The following SLAIN1 variants were observed in gnomAD, a reference collection of about 807,000 sequenced individuals.
SLAIN1 encodes SLAIN motif-containing protein 1.
A neutral mutation model predicts 55.4 loss-of-function variants in SLAIN1; 17 were observed. The observed-to-expected ratio is 0.31, with a 90% CI of 0.21 to 0.46. SLAIN1 has a LOEUF of 0.46. SLAIN1 is among the 20% of genes least tolerant of loss of function. The pLI, the probability that SLAIN1 is intolerant of heterozygous loss-of-function variation, is 1.00. For synonymous variants in SLAIN1, 348 were observed against 337.4 expected, an observed-to-expected ratio of 1.03 and a Z score of -0.35; for missense variants, 682 against 785.1, an observed-to-expected ratio of 0.87 and a Z score of 1.57.
At chr13:77,761,244 T>A in intron 6 of SLAIN1, 134 bp downstream of exon 6, 3 of 852,386 alleles carry the variant, frequency 3.5e-6, no homozygotes, top group Non-Finnish European at 5.4e-6. Flanking sequence ...TGTGCTCTCC[T>A]CCCTTTGAAA....
chr13:77,754,566 C>A (rs1403654407), intron 5 of SLAIN1, among the ~76,000 whole-genome samples: 3 of 152,136 alleles, frequency 2.0e-5, no homozygotes, highest in African/African-American at 7.2e-5. Context: ...TTCTTCTCTG[C>A]CTAGCATTCT....
intron 1 of SLAIN1, among the ~76,000 whole-genome samples, chr13:77,709,367 C>T (rs9530686): frequency 0.061 from 9,349 of 152,178 alleles, 402 homozygotes; most frequent in East Asian, 0.18. Context: ...CCTTTCCCAA[C>T]CTAGCAAGAC....
chr13:77,710,775 C>T (rs190357145), intron 1 of SLAIN1, among the ~76,000 whole-genome samples: 30 of 152,350 alleles, frequency 2.0e-4, no homozygotes, highest in Admixed American at 1.7e-3. Flanking sequence ...CCCAAATCAA[C>T]AGAATATACA....
chr13:77,756,519 G>A (rs1049489152), intron 5 of SLAIN1, among the ~76,000 whole-genome samples: 1 of 151,900 alleles, frequency 6.6e-6, no homozygotes, highest in Non-Finnish European at 1.5e-5. Context: ...TAGTTTGCTG[G>A]TATTTTGAAT....
intron 2 of SLAIN1, among the ~76,000 whole-genome samples, chr13:77,725,891 G>A (rs909777105): frequency 3.3e-5 from 5 of 152,170 alleles, no homozygotes; most frequent in African/African-American, 1.2e-4. Flanking sequence ...CCATCTGGCT[G>A]CATTTCTCCC....
intron 5 of SLAIN1, among the ~76,000 whole-genome samples, chr13:77,757,426 A>G (rs563571043): frequency 3.2e-4 from 48 of 151,884 alleles, no homozygotes; most frequent in African/African-American, 1.1e-3. Context: ...ACATGTATCA[A>G]CATTTCTTTT....
In SLAIN1 at chr13:77,698,332, C is replaced by T. The variant is rs2090994920; in HGVS notation, c.419C>T (p.Ala140Val). ...GCGCCCTCCCTGCTTTGCAGCCTGG[C>T]GCAGCCACCCGAGGCGCCCTTCGTC... ...SPAPSLLCSL[A>V]QPPEAPFVYF... is the part of the protein sequence containing the mutation. The change falls in exon 1 of 7, where the codon GCG becomes GTG. Residue 140 changes from alanine (A) to valine (V), a missense_variant. Ala to Val is a moderately conservative substitution (Grantham distance 64). This residue lies in a region of SLAIN1 where 401 missense variants were observed against 417.3 expected (regional missense o/e 0.96). Coordinates refer to ENST00000418532, the MANE Select transcript of SLAIN1 (RefSeq NM_001242868.2). This position sits in a 1 kb window ranked among gnomAD's most constrained non-coding sequence, Gnocchi z 4.1. The T allele has an allele frequency of 3.5e-6, 5 of 1,448,396 alleles. No individual in the cohort carries two copies. The highest frequency in any genetic ancestry group is 3.1e-5 in the East Asian group (1 of 32,040). The allele number at this position is 1,448,396 out of a possible 1,614,324, so 89.7% of individuals were successfully genotyped here. A position where few individuals can be genotyped will look rare whatever the true frequency, so the allele number is the denominator to read the frequency against.
chr13:77,703,712 C>T (rs1226849107), intron 1 of SLAIN1, among the ~76,000 whole-genome samples: 4 of 151,694 alleles, frequency 2.6e-5, no homozygotes, highest in African/African-American at 7.3e-5. Context: ...TTGATCCTAG[C>T]AGGTGCCAGT....
At chr13:77,699,644 G>T (rs1234239774) in intron 1 of SLAIN1, among the ~76,000 whole-genome samples, 1 of 152,178 alleles carries the variant, frequency 6.6e-6, no homozygotes, top group East Asian at 1.9e-4. Flanking sequence ...ACTCTGTCAT[G>T]TGAGAGCTCT....
At chr13:77,709,696 G>A (rs2091127197) in intron 1 of SLAIN1, among the ~76,000 whole-genome samples, 1 of 152,150 alleles carries the variant, frequency 6.6e-6, no homozygotes, top group Non-Finnish European at 1.5e-5. Flanking sequence ...TTACAGACAA[G>A]CTAATGCTGA....
chr13:77,703,143 T>A (rs2091047743), intron 1 of SLAIN1, among the ~76,000 whole-genome samples: 1 of 152,092 alleles, frequency 6.6e-6, no homozygotes, highest in Non-Finnish European at 1.5e-5. Context: ...AACAGAACAT[T>A]GAGACTATAT....
At chr13:77,722,114 G>A (rs189817863) in intron 2 of SLAIN1, among the ~76,000 whole-genome samples, 4 of 151,898 alleles carry the variant, frequency 2.6e-5, no homozygotes, top group South Asian at 4.2e-4. Flanking sequence ...GAATCGTGAG[G>A]TCATGAGGAT....
chr13:77,751,098 A>G (rs1424283278), intron 4 of SLAIN1, among the ~76,000 whole-genome samples: 2 of 152,180 alleles, frequency 1.3e-5, no homozygotes, highest in African/African-American at 2.4e-5. Flanking sequence ...CTTTTGGATT[A>G]GCATTCAAGT....
intron 1 of SLAIN1, among the ~76,000 whole-genome samples, chr13:77,715,119 G>A (rs2091193945): frequency 6.6e-6 from 1 of 152,084 alleles, no homozygotes; most frequent in Non-Finnish European, 1.5e-5. Flanking sequence ...GCCCACCTTG[G>A]TCTCTAAAAG....
At chr13:77,753,416 T>A in intron 5 of SLAIN1, 58 bp downstream of exon 5, 1 of 973,810 alleles carries the variant, frequency 1.0e-6, no homozygotes, top group Non-Finnish European at 1.3e-6. Flanking sequence ...TTTTTATAAT[T>A]TTTAATTGTA....
chr13:77,741,131 G>A (rs553189688), intron 2 of SLAIN1: 9 of 985,102 alleles, frequency 9.1e-6, no homozygotes, highest in East Asian at 1.1e-4. Flanking sequence ...GCTGCCGCCC[G>A]CATCTGTGGG....
At chr13:77,746,368 A>G (rs1051135827) in intron 3 of SLAIN1, 146 bp from the exon 4 acceptor site, 3 of 663,206 alleles carry the variant, frequency 4.5e-6, no homozygotes, top group African/African-American at 3.6e-5. Context: ...GTCTTGGTAA[A>G]CTTGTCAATT....
chr13:77,731,782 A>G (rs532257901), intron 2 of SLAIN1, among the ~76,000 whole-genome samples: 1 of 152,294 alleles, frequency 6.6e-6, no homozygotes, highest in South Asian at 2.1e-4. Context: ...GATACGGAGA[A>G]GGTGCATATA....
At chr13:77,712,708 A>C (rs878934138) in intron 1 of SLAIN1, among the ~76,000 whole-genome samples, 1 of 152,192 alleles carries the variant, frequency 6.6e-6, no homozygotes, top group African/African-American at 2.4e-5. Context: ...AGAAAAAACT[A>C]TTTCAAATTT....
Sources: gnomAD v4.1 joint callset for allele counts (sites outside exome capture counted in the v4.1 genomes callset) on GRCh38, gnomAD v4.1.1 for gene constraint, gnomAD v4.1.1 regional missense constraint, Gnocchi (gnomAD v3.1) non-coding constraint, MANE v1.5 for transcripts, NCBI Gene and HGNC (gene_info 2026-07-23, HGNC 2026-07-21) for gene names.